UBR2: variants seen among roughly 807,000 people sequenced by gnomAD.
UBR2 encodes E3 ubiquitin-protein ligase UBR2.
In UBR2, 92 loss-of-function variants were observed where a neutral mutation model predicts 247.9. That is an observed-to-expected ratio of 0.37 (90% CI 0.31 to 0.44). The LOEUF (loss-of-function observed/expected upper bound fraction) is 0.44. UBR2 is among the 20% of genes least tolerant of loss of function. The probability of loss-of-function intolerance (pLI) is 1.00; values close to 1 mark genes in which losing one functional copy is unlikely to be tolerated. For synonymous variants in UBR2, 672 were observed against 693.5 expected (o/e 0.97, Z 0.49); for missense variants, 1,613 against 2,112.6 (o/e 0.76, Z 4.64).
At chr6:42,688,814 G>T (rs1799593545) in intron 45 of UBR2, among the ~76,000 whole-genome samples, 1 of 152,200 alleles carries the variant, frequency 6.6e-6, no homozygotes, top group South Asian at 2.1e-4. Context: ...GGATGCAGTA[G>T]TCCACAGTGC....
At chr6:42,626,916 C>T (rs1342652684) in intron 11 of UBR2, among the ~76,000 whole-genome samples, 1 of 152,156 alleles carries the variant, frequency 6.6e-6, no homozygotes, top group Non-Finnish European at 1.5e-5. Context: ...CTAATAATAG[C>T]AGTTCTGTAC....
chr6:42,607,629 C>T (rs986570818), intron 7 of UBR2, among the ~76,000 whole-genome samples: 3 of 151,124 alleles, frequency 2.0e-5, no homozygotes, highest in Admixed American at 1.3e-4. Flanking sequence ...GTTCTTGTGC[C>T]TCAGCCTCTT....
At chr6:42,606,990 C>T (rs1235879900) in intron 7 of UBR2, among the ~76,000 whole-genome samples, 1 of 152,024 alleles carries the variant, frequency 6.6e-6, no homozygotes, top group Non-Finnish European at 1.5e-5. Context: ...ATAATGCAAG[C>T]AAAGTTGTTT....
chr6:42,671,882 C>T (rs1205853106), intron 36 of UBR2, among the ~76,000 whole-genome samples: 1 of 152,126 alleles, frequency 6.6e-6, no homozygotes. Flanking sequence ...ATCTCCAACC[C>T]AGATCTTTAT....
At chr6:42,586,412 T>C (rs1792263126) in intron 2 of UBR2, among the ~76,000 whole-genome samples, 1 of 152,156 alleles carries the variant, frequency 6.6e-6, no homozygotes, top group Non-Finnish European at 1.5e-5. Context: ...GTCAGTCTTA[T>C]TCCATGTGCA....
At chr6:42,598,699 A>G (rs796608350) in intron 4 of UBR2, among the ~76,000 whole-genome samples, 4 of 152,308 alleles carry the variant, frequency 2.6e-5, no homozygotes, top group African/African-American at 9.6e-5. Flanking sequence ...TCTCTATATT[A>G]AGAAATGTTA....
chr6:42,623,915 A>G (rs961893153), intron 11 of UBR2, among the ~76,000 whole-genome samples: 2 of 152,226 alleles, frequency 1.3e-5, no homozygotes, highest in South Asian at 4.1e-4. Context: ...AAATAAACCA[A>G]ACTTGGTTGT....
chr6:42,669,258 C>T (rs1362560704), intron 34 of UBR2, among the ~76,000 whole-genome samples: 2 of 152,128 alleles, frequency 1.3e-5, no homozygotes, highest in Admixed American at 6.6e-5. Flanking sequence ...CTGTAAGATA[C>T]TCTCTTTATC....
chr6:42,605,862 A>G lies in UBR2; in HGVS notation c.801+3A>G. 1 of 1,599,514 alleles carries G rather than the reference A, an allele frequency of 6.3e-7. No individual in the cohort carries two copies. Among genetic ancestry groups the G allele is most frequent in the Non-Finnish European group, 8.5e-7 (1 of 1,175,942 alleles). ...TTGCAACTACAGTAGATCGAGATGT[A>G]AGTAATTTTACCATGTTGATAATAA... On this transcript the variant is annotated splice_donor_region_variant and intron_variant, in intron 6 of 46. Coordinates refer to ENST00000372901, the MANE Select transcript of UBR2 (RefSeq NM_001363705.2).
At chr6:42,664,724 A>G (rs1227597297) in intron 32 of UBR2, among the ~76,000 whole-genome samples, 2 of 152,240 alleles carry the variant, frequency 1.3e-5, no homozygotes, top group Non-Finnish European at 2.9e-5. Context: ...ATGGAGGATT[A>G]ACTGTGTATA....
chr6:42,614,331 T>TATGTGTATGTATAC (rs1374119130), intron 8 of UBR2, among the ~76,000 whole-genome samples: 2 of 133,586 alleles, frequency 1.5e-5, no homozygotes, highest in African/African-American at 6.3e-5. Context: ...TATATGTGTA[T>TATGTGTATGTATAC]ATGTGTATGT....
chr6:42,592,330 G>A (rs1162844709), intron 3 of UBR2, 101 bp downstream of exon 3: 4 of 975,394 alleles, frequency 4.1e-6, no homozygotes. Flanking sequence ...AAAATGGGGG[G>A]AGGGTGGTTT....
Position 42,616,014 on chromosome 6 carries a change from T to C in UBR2, c.1106T>C (p.Val369Ala). Residue 369 changes from valine to alanine, a missense_variant, in exon 10 of 47, where the codon GTA becomes GCA. Val to Ala is a moderately conservative substitution (Grantham distance 64, BLOSUM62 0). Around this residue, in one of 3 missense-constraint regions of UBR2, gnomAD observed 1,524 missense variants for 1,967.3 expected, o/e 0.77. Transcript: ENST00000372901. ...CTTTTTCTACAAGGTGCTAGGAGTG[T>C]ATATCATCAGTTGTTCATGAGCAGT... Reference protein sequence around the residue: ...DSKLWKGARSVYHQLFMSSLL... With the variant: ...DSKLWKGARSAYHQLFMSSLL... 1 of 1,603,098 alleles carries C rather than the reference T, an allele frequency of 6.2e-7. No individual in the cohort carries two copies. The highest frequency in any genetic ancestry group is 8.5e-7 in the Non-Finnish European group (1 of 1,177,114).
intron 2 of UBR2, among the ~76,000 whole-genome samples, chr6:42,584,390 C>G (rs1429024771): frequency 6.6e-6 from 1 of 152,158 alleles, no homozygotes; most frequent in Non-Finnish European, 1.5e-5. Flanking sequence ...TATGTCTATT[C>G]TTATGTCAAA....
intron 30 of UBR2, among the ~76,000 whole-genome samples, chr6:42,660,122 G>C (rs111443861): frequency 0.013 from 2,020 of 152,300 alleles, 23 homozygotes; most frequent in Non-Finnish European, 0.02. Flanking sequence ...GCATTTCACA[G>C]TCTTTTCCAT....
intron 2 of UBR2, among the ~76,000 whole-genome samples, chr6:42,587,272 A>G (rs1792351546): frequency 6.6e-6 from 1 of 152,180 alleles, no homozygotes. Flanking sequence ...TCTTTCCTGG[A>G]CTAGAGGTTG....
At chr6:42,592,896 C>T (rs1453408653) in intron 3 of UBR2, among the ~76,000 whole-genome samples, 8 of 152,098 alleles carry the variant, frequency 5.3e-5, no homozygotes, top group African/African-American at 1.2e-4. Context: ...GCTACGGGGC[C>T]GGGCGCAGTG....
chr6:42,688,579 G>T (rs1317952109), intron 45 of UBR2, among the ~76,000 whole-genome samples, 193 bp downstream of exon 45: 1 of 152,046 alleles, frequency 6.6e-6, no homozygotes, highest in Non-Finnish European at 1.5e-5. Flanking sequence ...TTCTTTTATT[G>T]TTACCATTCC....
chr6:42,618,488 A>G (rs1042404283), intron 11 of UBR2, among the ~76,000 whole-genome samples: 1 of 152,228 alleles, frequency 6.6e-6, no homozygotes, highest in Non-Finnish European at 1.5e-5. Context: ...GTTAAAGGAT[A>G]TATTCTAATA....
Sources: allele counts gnomAD v4.1 joint callset (sites outside exome capture counted in the v4.1 genomes callset), GRCh38; gene constraint gnomAD v4.1.1; regional missense constraint gnomAD v4.1.1; transcripts MANE v1.5; gene names NCBI Gene and HGNC (gene_info 2026-07-23, HGNC 2026-07-21).